CADPS: variants seen among roughly 807,000 people sequenced by gnomAD.
CADPS encodes calcium-dependent secretion activator 1.
A neutral mutation model predicts 167.3 loss-of-function variants in CADPS; 57 were observed. The observed-to-expected ratio is 0.34, with a 90% CI of 0.28 to 0.42. CADPS has a LOEUF of 0.42. Among genes scored for constraint, CADPS ranks in the 20% least tolerant of loss-of-function variants. The probability of loss-of-function intolerance (pLI) is 1.00; values close to 1 mark genes in which losing one functional copy is unlikely to be tolerated. For missense variants in CADPS, 1,414 were observed against 1,738.1 expected (o/e 0.81, Z 3.32); for synonymous variants, 676 against 635.3 (o/e 1.06, Z -0.96).
At chr3:62,526,235 A>G (rs1262541685) in intron 13 of CADPS, among the ~76,000 whole-genome samples, 2 of 152,182 alleles carry the variant, frequency 1.3e-5, no homozygotes, top group Non-Finnish European at 2.9e-5. Flanking sequence ...TACATCGCCC[A>G]AAAGAAATCT....
At chr3:62,579,553 G>A (rs1316925899) in intron 8 of CADPS, among the ~76,000 whole-genome samples, 1 of 152,138 alleles carries the variant, frequency 6.6e-6, no homozygotes, top group East Asian at 1.9e-4. Context: ...GCGGGGCCAG[G>A]TAAGGCTTTC....
At chr3:62,483,172 T>C (rs564685194) in intron 21 of CADPS, among the ~76,000 whole-genome samples, 2 of 152,074 alleles carry the variant, frequency 1.3e-5, no homozygotes, top group African/African-American at 4.8e-5. Flanking sequence ...GGCAAAGGAC[T>C]TGAGGTTCTC....
At chr3:62,547,086 A>G (rs1455944263) in intron 11 of CADPS, among the ~76,000 whole-genome samples, 2 of 152,162 alleles carry the variant, frequency 1.3e-5, no homozygotes, top group Non-Finnish European at 2.9e-5. Flanking sequence ...AATTATAGGA[A>G]CAGAAGCCAC....
chr3:62,577,724 C>G (rs1478617433), intron 8 of CADPS, among the ~76,000 whole-genome samples: 1 of 152,164 alleles, frequency 6.6e-6, no homozygotes, highest in Admixed American at 6.6e-5. Flanking sequence ...CCCTACAAGA[C>G]AAACACTGTT....
At chr3:62,596,689 T>C (rs1182128377) in intron 6 of CADPS, among the ~76,000 whole-genome samples, 1 of 152,224 alleles carries the variant, frequency 6.6e-6, no homozygotes, top group African/African-American at 2.4e-5. Context: ...ACACTAGAAA[T>C]CAGTCCCCTT....
intron 3 of CADPS, among the ~76,000 whole-genome samples, chr3:62,747,548 TAAG>T (rs1428530709): frequency 1.3e-5 from 2 of 152,148 alleles, no homozygotes; most frequent in Non-Finnish European, 2.9e-5. Flanking sequence ...AGTGCTGTAA[TAAG>T]ATAACCACAT....
At chr3:62,748,159 C>A (rs2081897331) in intron 3 of CADPS, among the ~76,000 whole-genome samples, 2 of 93,596 alleles carry the variant, frequency 2.1e-5, no homozygotes, top group South Asian at 4.1e-4. Flanking sequence ...CCCGTCTCTA[C>A]TAAAATTACA....
intron 1 of CADPS, among the ~76,000 whole-genome samples, chr3:62,816,015 T>C (rs1006918054): frequency 1.3e-5 from 2 of 152,194 alleles, no homozygotes; most frequent in Non-Finnish European, 2.9e-5. Flanking sequence ...CTCCAATTTG[T>C]GCTGTAAGAG....
chr3:62,834,918 T>C (rs867064781), intron 1 of CADPS, among the ~76,000 whole-genome samples: 26 of 152,278 alleles, frequency 1.7e-4, no homozygotes, highest in South Asian at 1.2e-3. Context: ...ACTGGTAACA[T>C]TGAGTAGTAT....
chr3:62,860,341 C>T (rs1255501995), intron 1 of CADPS, among the ~76,000 whole-genome samples: 1 of 152,142 alleles, frequency 6.6e-6, no homozygotes, highest in Non-Finnish European at 1.5e-5. Context: ...ATCTCCTATT[C>T]TCTTAAGAGA....
chr3:62,744,641 T>C (rs556299), intron 3 of CADPS, among the ~76,000 whole-genome samples: 74,067 of 152,074 alleles, frequency 0.49, 19,828 homozygotes, highest in African/African-American at 0.7. Context: ...AATATTATTT[T>C]TGTATGTATC....
chr3:62,566,483 C>G (rs1410714917), intron 9 of CADPS, among the ~76,000 whole-genome samples: 1 of 152,182 alleles, frequency 6.6e-6, no homozygotes, highest in Non-Finnish European at 1.5e-5. Flanking sequence ...TGGCCTTGAA[C>G]TTTCCTCCTG....
At chr3:62,659,357 T>C (rs767217782) in intron 4 of CADPS, among the ~76,000 whole-genome samples, 10 of 152,164 alleles carry the variant, frequency 6.6e-5, no homozygotes, top group Admixed American at 1.3e-4. Flanking sequence ...GGAGGAGATA[T>C]TTCACAATTT....
At chr3:62,864,195 C>A (rs1040030354) in intron 1 of CADPS, among the ~76,000 whole-genome samples, 1 of 152,216 alleles carries the variant, frequency 6.6e-6, no homozygotes, top group South Asian at 2.1e-4. Context: ...TGACCTGCAC[C>A]TGTCTGTGGC....
chr3:62,739,868 G>C (rs957524854), intron 3 of CADPS, among the ~76,000 whole-genome samples: 2 of 152,216 alleles, frequency 1.3e-5, no homozygotes, highest in African/African-American at 4.8e-5. Context: ...AGTAAAGAGA[G>C]GTTGGTAGTT....
chr3:62,646,331 AT>A lies in CADPS; in HGVS notation c.1204-489del, dbSNP rs966175782. 6.6e-3 allele frequency among the ~76,000 whole-genome samples: 951 copies of A among 144,218 alleles called. 5 individuals carry two copies. The highest frequency in any genetic ancestry group is 0.021 in the Middle Eastern group (6 of 280). The allele number at this position is 144,218 out of a possible 152,430, so 94.6% of individuals were successfully genotyped here. ...AGGTGCACGCCACCATGCCCAGCTA[AT>A]TTTTTTTTTTTGTATTTTTAGTAGA... On this transcript the variant is annotated intron_variant, in intron 5 of 29. Coordinates refer to ENST00000383710, the MANE Select transcript of CADPS (RefSeq NM_003716.4).
chr3:62,722,767 G>T (rs502000), intron 3 of CADPS, among the ~76,000 whole-genome samples: 1 of 152,010 alleles, frequency 6.6e-6, no homozygotes, highest in Admixed American at 6.5e-5. Context: ...ATAGTTTCTC[G>T]ACCTCATCAC....
At chr3:62,430,733 G>A (rs12186004) in intron 28 of CADPS, among the ~76,000 whole-genome samples, 54 of 151,482 alleles carry the variant, frequency 3.6e-4, no homozygotes, top group African/African-American at 1.2e-3. Flanking sequence ...TACCCGTTAC[G>A]TAACAATATT....
rs368176393 is a variant in CADPS at position 62,619,036 on chromosome 3, T to C, written c.1326-26288A>G. On this transcript the variant is annotated intron_variant, in intron 6 of 29. Transcript: ENST00000383710. The stretch of plus-strand genomic sequence containing the variant: ...CCAATTCTGGCCTATTGCCTGGTTT[T>C]GTAAATAAAGTCTAATTGGAGCACA... Among the ~76,000 whole-genome samples, 6 of 152,372 alleles carry C rather than the reference T, an allele frequency of 3.9e-5. No homozygotes were observed. In the East Asian group the frequency reaches 7.7e-4, roughly 20 times the overall value.
Sources: allele counts gnomAD v4.1 joint callset (sites outside exome capture counted in the v4.1 genomes callset), GRCh38; gene constraint gnomAD v4.1.1; transcripts MANE v1.5; gene names NCBI Gene and HGNC (gene_info 2026-07-23, HGNC 2026-07-21).